The following TRIM37 variants were observed in gnomAD, a reference collection of about 807,000 sequenced individuals.
The protein encoded by TRIM37 is tripartite motif containing 37, also known as E3 ubiquitin-protein ligase TRIM37.
TRIM37 carries 80 observed loss-of-function variants against 129.8 expected under a neutral mutation model. The observed-to-expected ratio is 0.62, with a 90% CI of 0.51 to 0.74. The LOEUF is 0.74. Among genes scored for constraint, TRIM37 ranks in the 30% least tolerant of loss-of-function variants. The pLI is 0.00. For synonymous variants in TRIM37, 389 were observed against 387.1 expected (o/e 1.00, Z -0.06); for missense variants, 1,054 against 1,176.5 (o/e 0.90, Z 1.52).
At chr17:59,073,266 T>A (rs116430354) in intron 8 of TRIM37, 1 of 152,170 alleles carries the variant, frequency 6.6e-6, no homozygotes, top group African/African-American at 2.4e-5. Context: ...TATATCACCA[T>A]GTAGCCTACA....
At chr17:59,081,255 A>G (rs1190255770) in intron 5 of TRIM37, 36 bp from the exon 6 acceptor site, 2 of 1,604,086 alleles carry the variant, frequency 1.2e-6, no homozygotes, top group Non-Finnish European at 1.7e-6. Flanking sequence ...ACACTTTCAC[A>G]TATCTCATCT....
chr17:59,057,010 G>C lies in TRIM37; in HGVS notation c.1064C>G (p.Pro355Arg). The change falls in exon 13 of 24, where the codon CCT (proline) becomes CGT (arginine). Residue 355 changes from proline to arginine, a missense_variant. Physicochemically the swap from Pro to Arg is moderately radical, Grantham distance 103. Transcript: ENST00000262294. ...AAATTCTCGAATGATATTTTTTGTA[G>C]GATCATTACAGGACTGGTGAACCAT... ...VEMVHQSCND[P>R]TKNIIREFAS... The C allele has an allele frequency of 3.7e-6, 6 of 1,613,478 alleles. No homozygotes were observed. Among genetic ancestry groups the C allele is most frequent in the Non-Finnish European group, 5.1e-6 (6 of 1,179,814 alleles).
chr17:59,035,519 C>T (rs972062486), intron 17 of TRIM37, among the ~76,000 whole-genome samples: 1 of 151,468 alleles, frequency 6.6e-6, no homozygotes, highest in African/African-American at 2.4e-5. Context: ...TTTCAGAGGC[C>T]GAGGCAGGTG....
chr17:59,087,458 C>CTTTTTTTT (rs56956832), intron 4 of TRIM37, among the ~76,000 whole-genome samples: 4 of 130,824 alleles, frequency 3.1e-5, no homozygotes, highest in Non-Finnish European at 3.2e-5. Flanking sequence ...AAGCCTCTTT[C>CTTTTTTTT]TTTTTTTTTT....
In TRIM37 at chr17:58,998,314, T is replaced by G; in HGVS notation, c.*1063A>C. ...ACACGGAAGAGTGAACAATATTCAC[T>G]AAGTAAAATACAGCAGATGAGATGT... On this transcript the variant is annotated 3_prime_UTR_variant, in exon 24 of 24. Coordinates refer to ENST00000262294, the MANE Select transcript of TRIM37 (RefSeq NM_015294.6). The G allele has an allele frequency of 1.0e-6, 1 of 985,394 alleles. No homozygotes were observed. Among genetic ancestry groups the G allele is most frequent in the African/African-American group, 1.7e-5 (1 of 57,384 alleles). 61.0% of individuals were successfully genotyped at this position (985,394 alleles called of 1,614,324 possible). A position where few individuals can be genotyped will look rare whatever the true frequency, so the allele number is the denominator to read the frequency against.
downstream of TRIM37, among the ~76,000 whole-genome samples, chr17:58,978,929 T>A (rs1423911413): frequency 6.6e-6 from 1 of 152,172 alleles, no homozygotes; most frequent in Non-Finnish European, 1.5e-5. Flanking sequence ...TCCCAAGGTC[T>A]GCAGTCTCGC....
downstream of TRIM37, chr17:58,982,042 T>C (rs745571069): frequency 6.6e-6 from 1 of 152,636 alleles, no homozygotes; most frequent in Non-Finnish European, 1.5e-5. Context: ...TCTAAAATTA[T>C]TTCCCCCAAG....
At chr17:59,004,665 C>T (rs552096434) in intron 22 of TRIM37, among the ~76,000 whole-genome samples, 3 of 152,234 alleles carry the variant, frequency 2.0e-5, no homozygotes, top group East Asian at 3.9e-4. Flanking sequence ...TAACTGTATG[C>T]TCATGAAACC....
intron 24 of TRIM37, among the ~76,000 whole-genome samples, chr17:58,985,954 TAGTA>T (rs1567907169): frequency 6.6e-6 from 1 of 152,196 alleles, no homozygotes; most frequent in Non-Finnish European, 1.5e-5. Flanking sequence ...ACATTTTGAT[TAGTA>T]AGTGTTACAC....
intron 15 of TRIM37, among the ~76,000 whole-genome samples, chr17:59,048,898 GAACACATTT>G (rs956970424): frequency 4.6e-5 from 7 of 152,106 alleles, no homozygotes; most frequent in African/African-American, 1.7e-4. Flanking sequence ...CACCCGGCCA[GAACACATTT>G]TTAAAATCCA....
chr17:59,029,443 CT>C (rs1312384687), intron 18 of TRIM37, among the ~76,000 whole-genome samples: 6 of 152,180 alleles, frequency 3.9e-5, no homozygotes, highest in Non-Finnish European at 7.3e-5. Context: ...CCCAACATGA[CT>C]CTAGTTCTAC....
At chr17:58,969,606 C>G in the TRIM37 span, 1 of 1,613,990 alleles carries the variant, frequency 6.2e-7, no homozygotes, top group Non-Finnish European at 8.5e-7. Flanking sequence ...GCTATTTATG[C>G]CTCCATTCAC....
chr17:59,055,789 AGGAG>A lies in TRIM37; in HGVS notation c.1199+1082_1199+1085del, dbSNP rs530453797. On this transcript the variant is annotated intron_variant, in intron 13 of 23. Coordinates refer to ENST00000262294, the MANE Select transcript of TRIM37 (RefSeq NM_015294.6). ...GGCCTACTTGAGGGTGGAGGGTGGG[AGGAG>A]GGAGAGGATAAGAAAAAATAACTAT... is the stretch of plus-strand genomic sequence containing the variant. 1.4e-4 allele frequency among the ~76,000 whole-genome samples: 21 copies of A among 150,316 alleles called. No individual in the cohort carries two copies. The East Asian group carries it at 4.1e-3, about 30-fold the overall frequency.
At chr17:58,995,326 G>T (rs2032876682), downstream of TRIM37, among the ~76,000 whole-genome samples, 1 of 151,314 alleles carries the variant, frequency 6.6e-6, no homozygotes, top group South Asian at 2.1e-4. Context: ...CCAATAAAAA[G>T]AACCATGGTT....
At chr17:59,087,644 AT>A (rs1754941571) in intron 4 of TRIM37, among the ~76,000 whole-genome samples, 2 of 151,586 alleles carry the variant, frequency 1.3e-5, no homozygotes. Context: ...AAACAGATAA[AT>A]TTTTTTCTAA....
intron 1 of TRIM37, 88 bp downstream of exon 1, chr17:59,106,353 G>A (rs1047147863): frequency 1.3e-6 from 2 of 1,535,960 alleles, no homozygotes; most frequent in Admixed American, 1.7e-5. Flanking sequence ...GTGCCCTACT[G>A]GAGGGAGGAC....
In TRIM37 at chr17:59,061,451, T is replaced by G. The variant is rs143316809; in HGVS notation, c.943-343A>C. ...TAGAAATGAGTGAAGCAAAAAAAAA[T>G]TTTAAACCAAAAATTAATTTTTAAG... On this transcript the variant is annotated intron_variant, in intron 11 of 23. Transcript: ENST00000262294. Among the ~76,000 whole-genome samples, 194 of 151,814 alleles carry G rather than the reference T, an allele frequency of 1.3e-3. 2 individuals are homozygous for G. The Middle Eastern group carries it at 0.017, about 13-fold the overall frequency.
At chr17:58,997,715 G>A (rs1328773454), downstream of TRIM37, among the ~76,000 whole-genome samples, 1 of 152,046 alleles carries the variant, frequency 6.6e-6, no homozygotes, top group Non-Finnish European at 1.5e-5. Flanking sequence ...AAAAGGAAAG[G>A]TTACAAAAAT....
intron 17 of TRIM37, among the ~76,000 whole-genome samples, chr17:59,034,960 C>T (rs551057280): frequency 3.3e-5 from 5 of 152,142 alleles, no homozygotes; most frequent in Non-Finnish European, 7.3e-5. Flanking sequence ...AAAGTAGTAA[C>T]AGAGTATGCT....
Sources: allele counts gnomAD v4.1 joint callset (sites outside exome capture counted in the v4.1 genomes callset), GRCh38; gene constraint gnomAD v4.1.1; transcripts MANE v1.5; gene names NCBI Gene and HGNC (gene_info 2026-07-23, HGNC 2026-07-21).